Variants in CNTN4 observed in about 807,000 individuals in gnomAD.
The protein encoded by CNTN4 is contactin 4.
Under a neutral mutation model 122.5 loss-of-function variants are expected in CNTN4, and 77 were observed. The ratio of observed to expected loss-of-function variants is 0.63; its 90% CI spans 0.52 to 0.76. CNTN4 has a LOEUF of 0.76. Ranked by LOEUF, CNTN4 falls within the 30% of genes least tolerant of loss-of-function variation. CNTN4 has a pLI of 0.00. For synonymous variants in CNTN4, 512 were observed against 447.0 expected (o/e 1.15, Z -1.83); for missense variants, 1,256 against 1,259.1 (o/e 1.00, Z 0.04).
At chr3:2,481,524 A>G (rs930995963) in intron 3 of CNTN4, among the ~76,000 whole-genome samples, 1 of 152,162 alleles carries the variant, frequency 6.6e-6, no homozygotes, top group African/African-American at 2.4e-5. Flanking sequence ...GAATCTAGTC[A>G]CTGACTTAAA....
chr3:2,403,226 T>A (rs1321367180), intron 3 of CNTN4, among the ~76,000 whole-genome samples: 1 of 152,064 alleles, frequency 6.6e-6, no homozygotes, highest in Non-Finnish European at 1.5e-5. Flanking sequence ...TCTACTCCAG[T>A]ATGACCTCAT....
chr3:2,587,458 A>T lies in CNTN4; in HGVS notation c.55+15900A>T, dbSNP rs1316040089. Among the ~76,000 whole-genome samples the T allele has an allele frequency of 2.0e-5, 3 of 152,208 alleles. No homozygotes were observed. The East Asian group carries it at 5.8e-4, about 29-fold the overall frequency. ...GCAAAATAAAAATTTTCAAGTGGAG[A>T]TAAATTCTTCCTTATCCTCTTTAGT... On this transcript the variant is annotated intron_variant, in intron 4 of 24. Coordinates refer to ENST00000418658, the MANE Select transcript of CNTN4 (RefSeq NM_175607.3).
At chr3:3,048,516 CTGTGTGTGTGTGTG>C (rs765657967) in intron 23 of CNTN4, among the ~76,000 whole-genome samples, 1 of 112,804 alleles carries the variant, frequency 8.9e-6, no homozygotes, top group Non-Finnish European at 2.2e-5. Context: ...CTCTCTCTCT[CTGTGTGTGTGTGTG>C]TGTGTGTGTG....
chr3:2,852,847 G>T (rs2093569182), intron 7 of CNTN4, among the ~76,000 whole-genome samples: 1 of 152,222 alleles, frequency 6.6e-6, no homozygotes, highest in African/African-American at 2.4e-5. Flanking sequence ...ATAAAGAGCT[G>T]TAATCATCAG....
intron 13 of CNTN4, among the ~76,000 whole-genome samples, chr3:2,941,713 T>G (rs906642562): frequency 5.3e-5 from 8 of 152,198 alleles, no homozygotes; most frequent in Non-Finnish European, 1.2e-4. Context: ...CAATGTGTTC[T>G]CTGTACCATA....
chr3:2,595,095 C>T (rs183497926), intron 4 of CNTN4, among the ~76,000 whole-genome samples: 408 of 152,274 alleles, frequency 2.7e-3, no homozygotes, highest in Non-Finnish European at 3.7e-3. Context: ...GGGAACAGTA[C>T]ATCCCTTGAT....
chr3:2,746,215 C>T (rs1489464230), intron 6 of CNTN4, among the ~76,000 whole-genome samples: 1 of 152,084 alleles, frequency 6.6e-6, no homozygotes, highest in African/African-American at 2.4e-5. Flanking sequence ...GAAAAAAACT[C>T]AGTAGTCAAT....
chr3:2,102,925 T>C (rs927112481), intron 2 of CNTN4, among the ~76,000 whole-genome samples: 2 of 152,080 alleles, frequency 1.3e-5, no homozygotes, highest in Admixed American at 6.5e-5. Flanking sequence ...CCCTTGCTTT[T>C]TTTTTTTTCT....
chr3:2,289,192 A>G (rs1287476986), intron 2 of CNTN4, among the ~76,000 whole-genome samples: 3 of 152,222 alleles, frequency 2.0e-5, no homozygotes, highest in Non-Finnish European at 4.4e-5. Flanking sequence ...TTAAAAAGAA[A>G]TATTTTAGAT....
intron 6 of CNTN4, among the ~76,000 whole-genome samples, chr3:2,751,097 T>C (rs1212931302): frequency 1.3e-5 from 2 of 151,916 alleles, no homozygotes; most frequent in Non-Finnish European, 2.9e-5. Context: ...GTCAGGAGAT[T>C]GAGACCATCC....
intron 2 of CNTN4, among the ~76,000 whole-genome samples, chr3:2,300,935 C>T (rs537936435): frequency 2.0e-5 from 3 of 152,152 alleles, no homozygotes; most frequent in East Asian, 3.9e-4. Context: ...AAGGCGTGTC[C>T]ATTTGGTGGC....
intron 6 of CNTN4, among the ~76,000 whole-genome samples, chr3:2,753,583 T>A (rs966674533): frequency 1.4e-4 from 22 of 152,094 alleles, no homozygotes; most frequent in African/African-American, 5.3e-4. Flanking sequence ...GTCACCTGAG[T>A]CTTGAGCAGA....
chr3:2,906,945 A>G (rs974215378), intron 12 of CNTN4, among the ~76,000 whole-genome samples: 34 of 152,194 alleles, frequency 2.2e-4, no homozygotes, highest in Non-Finnish European at 1.3e-4. Context: ...CAAGTTCCCT[A>G]TTTAATATCC....
At chr3:2,171,594 C>T (rs977653148) in intron 2 of CNTN4, among the ~76,000 whole-genome samples, 9 of 152,216 alleles carry the variant, frequency 5.9e-5, no homozygotes, top group South Asian at 2.1e-4. Flanking sequence ...GGGACATTAT[C>T]GTCTATATTC....
intron 2 of CNTN4, 145 bp from the exon 3 acceptor site, chr3:2,339,033 C>A (rs2044076380): frequency 6.6e-6 from 1 of 152,068 alleles, no homozygotes; most frequent in Non-Finnish European, 1.5e-5. Context: ...GAAATCTATA[C>A]CAAATGTATT....
intron 3 of CNTN4, among the ~76,000 whole-genome samples, chr3:2,369,158 C>CAG (rs1559493085): frequency 1.6e-4 from 24 of 152,102 alleles, no homozygotes; most frequent in African/African-American, 5.8e-4. Context: ...CTCCTGACCT[C>CAG]GTGATCTGCT....
intron 3 of CNTN4, among the ~76,000 whole-genome samples, chr3:2,387,358 TTTA>T (rs1227698710): frequency 6.6e-6 from 1 of 151,736 alleles, no homozygotes; most frequent in African/African-American, 2.4e-5. Flanking sequence ...AAGGCAAATC[TTTA>T]TTAAGAGTAA....
rs142944908 is a variant in CNTN4 at position 2,687,730 on chromosome 3, A to G, written c.56-48485A>G. Among the ~76,000 whole-genome samples the G allele has an allele frequency of 6.8e-3, 1,031 of 152,316 alleles. 5 individuals carry two copies. The highest frequency in any genetic ancestry group is 0.011 in the Non-Finnish European group (731 of 68,018). Reference sequence around the variant, plus strand: ...GCTGATCATTCAGTCAATTTTTTGTAATCGAATGGGAATTTAAAGTGTGCC... The same window carrying G: ...GCTGATCATTCAGTCAATTTTTTGTGATCGAATGGGAATTTAAAGTGTGCC... On this transcript the variant is annotated intron_variant, in intron 4 of 24. Coordinates refer to ENST00000418658, the MANE Select transcript of CNTN4 (RefSeq NM_175607.3).
chr3:2,275,938 CAA>C (rs78515660), intron 2 of CNTN4, among the ~76,000 whole-genome samples: 5 of 137,914 alleles, frequency 3.6e-5, no homozygotes, highest in Admixed American at 2.2e-4. Context: ...AAAAAAAAAA[CAA>C]AAAAAAATAT....
Sources: allele counts gnomAD v4.1 joint callset (sites outside exome capture counted in the v4.1 genomes callset), GRCh38; gene constraint gnomAD v4.1.1; transcripts MANE v1.5; gene names NCBI Gene and HGNC (gene_info 2026-07-23, HGNC 2026-07-21).